WWOX: variants seen among roughly 807,000 people sequenced by gnomAD.
WWOX encodes WW domain containing oxidoreductase.
WWOX carries 69 observed loss-of-function variants against 46.2 expected under a neutral mutation model. That is an observed-to-expected ratio of 1.49 (90% CI 1.23 to 1.82). The LOEUF is 1.82. WWOX is among the 40% of genes most tolerant of loss of function. WWOX has a pLI of 0.00. For missense variants in WWOX, 919 were observed against 542.6 expected (o/e 1.69, Z -6.89); for synonymous variants, 359 against 202.6 (o/e 1.77, Z -6.56).
At chr16:78,755,699 A>G (rs565878748) in intron 8 of WWOX, among the ~76,000 whole-genome samples, 2 of 152,276 alleles carry the variant, frequency 1.3e-5, no homozygotes, top group South Asian at 2.1e-4. Context: ...CCATGTGACA[A>G]ATACCCATTT....
chr16:79,152,080 C>G (rs1052260846), intron 8 of WWOX, among the ~76,000 whole-genome samples: 1 of 152,164 alleles, frequency 6.6e-6, no homozygotes, highest in Non-Finnish European at 1.5e-5. Context: ...GTTAAATTTC[C>G]TCTAATACTA....
At chr16:78,771,783 A>G (rs1489011248) in intron 8 of WWOX, among the ~76,000 whole-genome samples, 3 of 149,098 alleles carry the variant, frequency 2.0e-5, no homozygotes, top group Non-Finnish European at 4.5e-5. Context: ...CAATAAATAA[A>G]TAAATAAATA....
At chr16:79,131,933 G>T (rs939590912) in intron 8 of WWOX, among the ~76,000 whole-genome samples, 2 of 152,094 alleles carry the variant, frequency 1.3e-5, no homozygotes, top group African/African-American at 4.8e-5. Flanking sequence ...GGAAACCCCT[G>T]TTTTTAAAAC....
At chr16:79,123,124 A>G (rs887332072) in intron 8 of WWOX, among the ~76,000 whole-genome samples, 2 of 152,170 alleles carry the variant, frequency 1.3e-5, no homozygotes, top group African/African-American at 4.8e-5. Context: ...TGTATAAGGA[A>G]GAAGGTTTGG....
At chr16:78,263,206 C>T (rs1044432837) in intron 5 of WWOX, among the ~76,000 whole-genome samples, 3 of 152,224 alleles carry the variant, frequency 2.0e-5, no homozygotes, top group East Asian at 3.9e-4. Flanking sequence ...CACCTCTGCA[C>T]TTCAGAGCGA....
At chr16:78,948,105 C>T (rs945451987) in intron 8 of WWOX, among the ~76,000 whole-genome samples, 5 of 152,198 alleles carry the variant, frequency 3.3e-5, no homozygotes, top group African/African-American at 1.2e-4. Flanking sequence ...CAGCTGCTAG[C>T]ATCTTGCCTT....
intron 8 of WWOX, among the ~76,000 whole-genome samples, chr16:78,971,766 G>T (rs970861429): frequency 6.6e-6 from 1 of 150,936 alleles, no homozygotes; most frequent in East Asian, 2.0e-4. Flanking sequence ...TGTGCTGTTG[G>T]GTTCCAAACT....
At chr16:78,846,497 T>G (rs183513684) in intron 8 of WWOX, among the ~76,000 whole-genome samples, 16 of 152,214 alleles carry the variant, frequency 1.1e-4, no homozygotes, top group African/African-American at 3.9e-4. Context: ...TGCCCGTAAT[T>G]TGGGTTTGTC....
intron 8 of WWOX, among the ~76,000 whole-genome samples, chr16:78,791,836 C>T (rs1275607739): frequency 2.0e-5 from 3 of 152,146 alleles, no homozygotes; most frequent in East Asian, 1.9e-4. Context: ...GCCGAGATCG[C>T]GCCACTGCAC....
At chr16:79,041,952 G>T (rs112365329) in intron 8 of WWOX, among the ~76,000 whole-genome samples, 1 of 152,160 alleles carries the variant, frequency 6.6e-6, no homozygotes, top group Non-Finnish European at 1.5e-5. Flanking sequence ...TTCTTGTGTG[G>T]AAATGAATGG....
chr16:79,086,819 G>A (rs1359003733), intron 8 of WWOX, among the ~76,000 whole-genome samples: 1 of 152,230 alleles, frequency 6.6e-6, no homozygotes, highest in Non-Finnish European at 1.5e-5. Flanking sequence ...GGAGGTGAAG[G>A]ATGCAGTGAA....
At chr16:78,791,576 G>A (rs2050601399) in intron 8 of WWOX, among the ~76,000 whole-genome samples, 1 of 152,074 alleles carries the variant, frequency 6.6e-6, no homozygotes, top group Non-Finnish European at 1.5e-5. Flanking sequence ...TGAAGTTAGT[G>A]AATCTGAGGC....
intron 8 of WWOX, among the ~76,000 whole-genome samples, chr16:78,631,722 C>T (rs1474826935): frequency 6.6e-6 from 1 of 151,976 alleles, no homozygotes; most frequent in African/African-American, 2.4e-5. Flanking sequence ...GACAGGGTTT[C>T]AACATGTTGC....
intron 8 of WWOX, among the ~76,000 whole-genome samples, chr16:79,085,024 T>A (rs2048828599): frequency 6.7e-6 from 1 of 148,802 alleles, no homozygotes; most frequent in South Asian, 2.2e-4. Context: ...CTACTAGGCT[T>A]AAGCAATCCT....
intron 8 of WWOX, among the ~76,000 whole-genome samples, chr16:78,613,492 C>A (rs183500913): frequency 6.6e-6 from 1 of 152,100 alleles, no homozygotes; most frequent in African/African-American, 2.4e-5. Context: ...GTTTCCTCTC[C>A]CCCTTACAAG....
At chr16:78,381,749 G>A (rs934431387) in intron 5 of WWOX, among the ~76,000 whole-genome samples, 1 of 152,160 alleles carries the variant, frequency 6.6e-6, no homozygotes, top group Non-Finnish European at 1.5e-5. Flanking sequence ...GAGGATGGAT[G>A]ATTGGATGGA....
intron 8 of WWOX, among the ~76,000 whole-genome samples, chr16:79,185,459 T>A (rs868797945): frequency 9.2e-5 from 14 of 151,758 alleles, no homozygotes; most frequent in Middle Eastern, 6.8e-3. Context: ...TAACAATTAC[T>A]TTTGGACATA....
chr16:79,060,487 T>C (rs1417876548), intron 8 of WWOX, among the ~76,000 whole-genome samples: 5 of 152,240 alleles, frequency 3.3e-5, no homozygotes, highest in Non-Finnish European at 7.3e-5. Context: ...GACTGAATTT[T>C]TCCAATTTGT....
intron 8 of WWOX, among the ~76,000 whole-genome samples, chr16:78,886,084 C>T (rs1190953649): frequency 6.6e-6 from 1 of 151,900 alleles, no homozygotes; most frequent in East Asian, 1.9e-4. Context: ...GCCACCACAC[C>T]AGGCTAATTT....
Sources: gnomAD v4.1 joint callset for allele counts (sites outside exome capture counted in the v4.1 genomes callset) on GRCh38, gnomAD v4.1.1 for gene constraint, MANE v1.5 for transcripts, NCBI Gene and HGNC (gene_info 2026-07-23, HGNC 2026-07-21) for gene names.